GTF2F2: variants seen among roughly 807,000 people sequenced by gnomAD.
GTF2F2 encodes ATP-dependent helicase GTF2F2.
In GTF2F2, 23 loss-of-function variants were observed where a neutral mutation model predicts 42.2. The ratio of observed to expected loss-of-function variants is 0.55; its 90% CI spans 0.39 to 0.77. The LOEUF is 0.77. Ranked by LOEUF, GTF2F2 falls within the 30% of genes least tolerant of loss-of-function variation. The probability of loss-of-function intolerance (pLI) is 0.00; values close to 1 mark genes in which losing one functional copy is unlikely to be tolerated. For synonymous variants in GTF2F2, 105 were observed against 100.8 expected (o/e 1.04, Z -0.25); for missense variants, 261 against 287.2 (o/e 0.91, Z 0.66).
chr13:45,275,912 C>T (rs1877015406), intron 7 of GTF2F2, among the ~76,000 whole-genome samples: 1 of 152,152 alleles, frequency 6.6e-6, no homozygotes, highest in Non-Finnish European at 1.5e-5. Flanking sequence ...AGTTTACAGT[C>T]CCACCAACAG....
chr13:45,167,695 G>A (rs939813300), intron 4 of GTF2F2, among the ~76,000 whole-genome samples: 2 of 151,780 alleles, frequency 1.3e-5, no homozygotes, highest in African/African-American at 4.8e-5. Flanking sequence ...CACCGTGCCC[G>A]GCCCCCCAGC....
At chr13:45,204,106 T>C (rs1873322993) in intron 4 of GTF2F2, among the ~76,000 whole-genome samples, 1 of 152,170 alleles carries the variant, frequency 6.6e-6, no homozygotes, top group Non-Finnish European at 1.5e-5. Flanking sequence ...TGGGAGTCTA[T>C]ACATTTTTCC....
intron 7 of GTF2F2, among the ~76,000 whole-genome samples, chr13:45,269,865 CT>C (rs1364092512): frequency 6.6e-6 from 1 of 151,938 alleles, no homozygotes; most frequent in East Asian, 1.9e-4. Context: ...GAGTTTTGCT[CT>C]TGTTGCCCAG....
At chr13:45,197,959 A>G (rs1872983255) in intron 4 of GTF2F2, among the ~76,000 whole-genome samples, 1 of 152,244 alleles carries the variant, frequency 6.6e-6, no homozygotes, top group African/African-American at 2.4e-5. Flanking sequence ...TGAAGATTTT[A>G]TCTGCCTTTG....
intron 4 of GTF2F2, among the ~76,000 whole-genome samples, chr13:45,155,564 T>C (rs973779641): frequency 6.6e-6 from 1 of 152,206 alleles, no homozygotes; most frequent in African/African-American, 2.4e-5. Flanking sequence ...GAGAGCGAAT[T>C]AGAGGAGACT....
chr13:45,260,501 G>C (rs917549884), intron 6 of GTF2F2, among the ~76,000 whole-genome samples: 5 of 152,182 alleles, frequency 3.3e-5, no homozygotes, highest in Non-Finnish European at 7.3e-5. Context: ...GATATTCAAA[G>C]CTGTCATGCT....
At chr13:45,196,869 TG>T (rs1441220394) in intron 4 of GTF2F2, among the ~76,000 whole-genome samples, 2 of 152,162 alleles carry the variant, frequency 1.3e-5, no homozygotes, top group Non-Finnish European at 2.9e-5. Flanking sequence ...GTGGGACTGC[TG>T]ACCTTCAGTC....
intron 5 of GTF2F2, among the ~76,000 whole-genome samples, chr13:45,244,028 C>T (rs1228302306): frequency 6.6e-6 from 1 of 152,156 alleles, no homozygotes; most frequent in Non-Finnish European, 1.5e-5. Context: ...ACCCAATATG[C>T]ATATACAGTG....
intron 4 of GTF2F2, among the ~76,000 whole-genome samples, chr13:45,191,416 GTA>G (rs1457553236): frequency 6.6e-6 from 1 of 150,972 alleles, no homozygotes; most frequent in Non-Finnish European, 1.5e-5. Flanking sequence ...TTTTGGAACA[GTA>G]TTTACTTATG....
At chr13:45,149,259 A>G (rs1227800759) in intron 2 of GTF2F2, among the ~76,000 whole-genome samples, 1 of 149,626 alleles carries the variant, frequency 6.7e-6, no homozygotes, top group South Asian at 2.1e-4. Context: ...ACATGGTGAG[A>G]CCTTGTCTCT....
At chr13:45,268,551 C>T (rs1004005033) in intron 7 of GTF2F2, among the ~76,000 whole-genome samples, 1 of 152,080 alleles carries the variant, frequency 6.6e-6, no homozygotes, top group African/African-American at 2.4e-5. Context: ...AATGACTTCA[C>T]TCCCTTTGGC....
intron 1 of GTF2F2, among the ~76,000 whole-genome samples, chr13:45,131,897 C>CAAAAAAAA (rs765260379): frequency 1.7e-4 from 9 of 53,202 alleles, no homozygotes; most frequent in African/African-American, 5.0e-4. Flanking sequence ...GACCCTGTCT[C>CAAAAAAAA]AAAAAAAAAA....
At chr13:45,168,820 C>CCTCT (rs1239989871) in intron 4 of GTF2F2, among the ~76,000 whole-genome samples, 26 of 147,552 alleles carry the variant, frequency 1.8e-4, no homozygotes, top group African/African-American at 6.1e-4. Context: ...TCCTTCCTTC[C>CCTCT]TTCCTTCCCT....
At chr13:45,248,139 G>A (rs1441697056) in intron 5 of GTF2F2, among the ~76,000 whole-genome samples, 1 of 152,038 alleles carries the variant, frequency 6.6e-6, no homozygotes, top group Non-Finnish European at 1.5e-5. Flanking sequence ...CACCGTGCCT[G>A]GCCTGATTTT....
chr13:45,155,341 C>CT (rs1474369979), intron 4 of GTF2F2, among the ~76,000 whole-genome samples: 3 of 152,162 alleles, frequency 2.0e-5, no homozygotes, highest in Non-Finnish European at 4.4e-5. Flanking sequence ...ACTGTACCTG[C>CT]TTTTCTAGGC....
intron 5 of GTF2F2, among the ~76,000 whole-genome samples, chr13:45,241,502 A>C (rs1397761923): frequency 2.6e-5 from 4 of 152,176 alleles, no homozygotes; most frequent in Non-Finnish European, 4.4e-5. Flanking sequence ...GTGGCAATTA[A>C]GCACTTGAAA....
At chr13:45,165,304 A>G (rs1394827282) in intron 4 of GTF2F2, among the ~76,000 whole-genome samples, 1 of 145,562 alleles carries the variant, frequency 6.9e-6, no homozygotes, top group Non-Finnish European at 1.5e-5. Context: ...TTAGATTTAT[A>G]TCTAAAATAT....
intron 5 of GTF2F2, among the ~76,000 whole-genome samples, chr13:45,212,626 A>G (rs1198830441): frequency 2.7e-5 from 4 of 147,686 alleles, no homozygotes; most frequent in Non-Finnish European, 6.0e-5. Flanking sequence ...AGTGCAGTGG[A>G]GCGATCTCCG....
At chr13:45,280,150 T>G (rs1481898743) in intron 7 of GTF2F2, among the ~76,000 whole-genome samples, 1 of 151,962 alleles carries the variant, frequency 6.6e-6, no homozygotes, top group Non-Finnish European at 1.5e-5. Flanking sequence ...AAACAACATA[T>G]GGGAAAAACC....
Sources: allele counts gnomAD v4.1 joint callset (sites outside exome capture counted in the v4.1 genomes callset), GRCh38; gene constraint gnomAD v4.1.1; transcripts MANE v1.5; gene names NCBI Gene and HGNC (gene_info 2026-07-23, HGNC 2026-07-21).